NKX2-1: variants seen among roughly 807,000 people sequenced by gnomAD.
The protein encoded by NKX2-1 is homeobox protein Nkx-2.1.
Under a neutral mutation model 35.1 loss-of-function variants are expected in NKX2-1, and 9 were observed. The ratio of observed to expected loss-of-function variants is 0.26; its 90% CI spans 0.15 to 0.45. The LOEUF is 0.45. NKX2-1 is among the 20% of genes least tolerant of loss of function. The probability of loss-of-function intolerance (pLI) is 1.00; values close to 1 mark genes in which losing one functional copy is unlikely to be tolerated. For missense variants in NKX2-1, 509 were observed against 589.1 expected, an observed-to-expected ratio of 0.86 and a Z score of 1.41; for synonymous variants, 284 against 269.9, an observed-to-expected ratio of 1.05 and a Z score of -0.51.
intron 1 of NKX2-1, 70 bp downstream of exon 1, chr14:36,519,983 C>T: frequency 2.5e-6 from 4 of 1,601,050 alleles, no homozygotes; most frequent in Admixed American, 3.4e-5. Flanking sequence ...CTTTCCAATT[C>T]GGTCGGGGTT....
In NKX2-1 at chr14:36,516,886, GT is replaced by G. The variant is rs1471879588; in HGVS notation, c.*391del. The G allele has an allele frequency of 4.0e-6, 1 of 247,740 alleles. No individual in the cohort carries two copies. Among genetic ancestry groups the G allele is most frequent in the African/African-American group, 2.2e-5 (1 of 45,580 alleles). 15.3% of individuals were successfully genotyped at this position (247,740 alleles called of 1,614,324 possible). Reference sequence around the variant, plus strand: ...GCTGGCAGAGTGTGCCCAGAGTGAAGTTTGGTCTTTAGAGTCCAGAGCCATG... The same window carrying G: ...GCTGGCAGAGTGTGCCCAGAGTGAAGTTGGTCTTTAGAGTCCAGAGCCATG... On this transcript the variant is annotated 3_prime_UTR_variant, in exon 3 of 3. Coordinates refer to ENST00000354822, the MANE Select transcript of NKX2-1 (RefSeq NM_001079668.3).
chr14:36,520,061 G>C lies in NKX2-1; in HGVS notation c.69C>G (p.Gly23=), dbSNP rs1188660010. 6.2e-7 allele frequency: 1 copy of C among 1,612,822 alleles called. No homozygotes were observed. The highest frequency in any genetic ancestry group is 1.3e-5 in the African/African-American group (1 of 74,920). The change falls in exon 1 of 3, where the codon GGC becomes GGG. Residue 23 remains glycine (G), a synonymous_variant. Transcript: ENST00000354822. ...CAGGGTGGGGGTTTCACCTGAGCCT[G>C]CCGGGGCTGCTCCTCCCTCCCGCCG... The part of the protein sequence containing the change: ...EAAAGGRSSP[G]RLSRRRIMSM...
At position 36,518,002 on chromosome 14, in the gene NKX2-1, G is replaced by T. The variant is rs759307172; in HGVS notation, c.482C>A (p.Pro161Gln). 8.1e-6 allele frequency: 13 copies of T among 1,598,386 alleles called. No individual in the cohort carries two copies. In the African/African-American group the frequency reaches 1.3e-4, roughly 16 times the overall value. Residue 161 changes from proline (P) to glutamine (Q), a missense_variant, in exon 3 of 3, where the codon CCG becomes CAG. This residue lies in a region of NKX2-1 where 271 missense variants were observed against 284.1 expected (regional missense o/e 0.95). Transcript: ENST00000354822. ...RFPAISRFMG[P>Q]ASGMNMSGMG... is the part of the protein sequence containing the mutation. ...GCCGCTCATGTTCATGCCGCTCGCC[G>T]GGCCCATGAAGCGGGAGACTGTAAG... is the stretch of plus-strand genomic sequence containing the variant.
Position 36,517,017 on chromosome 14 carries a change from A to T in NKX2-1, c.*261T>A. On this transcript the variant is annotated 3_prime_UTR_variant, in exon 3 of 3. Transcript: ENST00000354822. Reference sequence around the variant, plus strand: ...AGCTGTTTTATGCCCTTCTCTGCTTAAAGATTCCTTGAGATTGGATGCGCT... The same window carrying T: ...AGCTGTTTTATGCCCTTCTCTGCTTTAAGATTCCTTGAGATTGGATGCGCT... 1 of 649,216 alleles carries T rather than the reference A, an allele frequency of 1.5e-6. No individual in the cohort carries two copies. Among genetic ancestry groups the T allele is most frequent in the African/African-American group, 1.8e-5 (1 of 54,982 alleles). 40.2% of individuals were successfully genotyped at this position (649,216 alleles called of 1,614,324 possible). A position where few individuals can be genotyped will look rare whatever the true frequency, so the allele number is the denominator to read the frequency against.
Position 36,517,040 on chromosome 14 carries a change from G to T in NKX2-1, c.*238C>A, listed in dbSNP as rs1287433937. 1 of 759,762 alleles carries T rather than the reference G, an allele frequency of 1.3e-6. No individual in the cohort carries two copies. Among genetic ancestry groups the T allele is most frequent in the Non-Finnish European group, 2.0e-6 (1 of 498,732 alleles). The allele number at this position is 759,762 out of a possible 1,614,324, so 47.1% of individuals were successfully genotyped here. A position where few individuals can be genotyped will look rare whatever the true frequency, so the allele number is the denominator to read the frequency against. ...TTAAAGATTCCTTGAGATTGGATGCGCTTGGTTGTTTTTCATTTTCTTTTT... is the reference window on the plus strand; with the variant it reads ...TTAAAGATTCCTTGAGATTGGATGCTCTTGGTTGTTTTTCATTTTCTTTTT... On this transcript the variant is annotated 3_prime_UTR_variant, in exon 3 of 3. Coordinates refer to ENST00000354822, the MANE Select transcript of NKX2-1 (RefSeq NM_001079668.3).
At position 36,517,827 on chromosome 14, in the gene NKX2-1, C is replaced by T. The variant is rs778886269; in HGVS notation, c.657G>A (p.Pro219=). The part of the protein sequence containing the change: ...RFKQQKYLSA[P]EREHLASMIH... ...TCATGCTGGCCAGGTGCTCGCGCTC[C>T]GGCGCCGACAGGTACTTCTGTTGCT... The change falls in exon 3 of 3, where the codon CCG becomes CCA. Residue 219 remains proline, a synonymous_variant. Coordinates refer to ENST00000354822, the MANE Select transcript of NKX2-1 (RefSeq NM_001079668.3). The T allele has an allele frequency of 1.2e-5, 19 of 1,612,216 alleles. No individual in the cohort carries two copies. The highest frequency in any genetic ancestry group is 1.4e-5 in the Non-Finnish European group (16 of 1,179,586).
rs1332828174 is a variant in NKX2-1 at position 36,517,266 on chromosome 14, C to T, written c.*12G>A. ...AGGCAGAGCGCTGGGCTAGGGCCGG[C>T]CCGGCGTCCTCTCACCAGGTCCGAC... On this transcript the variant is annotated 3_prime_UTR_variant, in exon 3 of 3. Coordinates refer to ENST00000354822, the MANE Select transcript of NKX2-1 (RefSeq NM_001079668.3). 1.2e-5 allele frequency: 19 copies of T among 1,595,332 alleles called. No homozygotes were observed. In the East Asian group the frequency reaches 4.1e-4, roughly 34 times the overall value.
At chr14:36,518,850 A>G (rs937944800) in intron 2 of NKX2-1, 135 bp downstream of exon 2, 1 of 1,197,502 alleles carries the variant, frequency 8.4e-7, no homozygotes, top group Non-Finnish European at 1.1e-6. Flanking sequence ...TCCCGCACCC[A>G]AGTCCCTGGC....
Position 36,517,460 on chromosome 14 carries a change from C to T in NKX2-1, c.1024G>A (p.Gly342Ser), listed in dbSNP as rs1881081845. Residue 342 changes from glycine (G) to serine (S), a missense_variant, in exon 3 of 3, where the codon GGC becomes AGC. Physicochemically the swap from Gly to Ser is moderately conservative, Grantham distance 56. Coordinates refer to ENST00000354822, the MANE Select transcript of NKX2-1 (RefSeq NM_001079668.3). ...TGGTGGCCCGGGTGTGCGCCAAGGCCGGCGCCACCGCTGCCCACGGAGATG... is the reference window on the plus strand; with the variant it reads ...TGGTGGCCCGGGTGTGCGCCAAGGCTGGCGCCACCGCTGCCCACGGAGATG... ...AAISVGSGGA[G>S]LGAHPGHQPG... 6 of 1,430,766 alleles carry T rather than the reference C, an allele frequency of 4.2e-6. No individual in the cohort carries two copies. Among genetic ancestry groups the T allele is most frequent in the East Asian group, 3.0e-5 (1 of 33,508 alleles). 88.6% of individuals were successfully genotyped at this position (1,430,766 alleles called of 1,614,324 possible). A position where few individuals can be genotyped will look rare whatever the true frequency, so the allele number is the denominator to read the frequency against.
rs1460931537 is a variant in NKX2-1 at position 36,517,934 on chromosome 14, C to T, written c.550G>A (p.Ala184Thr). 1.2e-6 allele frequency: 2 copies of T among 1,605,040 alleles called. No individual in the cohort carries two copies. Among genetic ancestry groups the T allele is most frequent in the African/African-American group, 1.3e-5 (1 of 74,924 alleles). ...GSLGDVSKNMAPLPSAPRRKR... is the reference protein window; with the variant it reads ...GSLGDVSKNMTPLPSAPRRKR... ...CTGCGCGGCGCGCTTGGCAGCGGGG[C>T]CATGTTCTTGCTCACGTCCCCCAGC... Residue 184 changes from alanine to threonine, a missense_variant, in exon 3 of 3, where the codon GCC (alanine) becomes ACC (threonine). By Grantham distance (58) the Ala-to-Thr change is moderately conservative (BLOSUM62 0). Coordinates refer to ENST00000354822, the MANE Select transcript of NKX2-1 (RefSeq NM_001079668.3).
chr14:36,517,069 A>T lies in NKX2-1; in HGVS notation c.*209T>A, dbSNP rs572546897. The T allele has an allele frequency of 3.5e-3, 2,925 of 834,346 alleles. 9 individuals are homozygous for T. The highest frequency in any genetic ancestry group is 0.011 in the South Asian group (434 of 39,898). The allele number at this position is 834,346 out of a possible 1,614,324, so 51.7% of individuals were successfully genotyped here. ...GGTTGTTTTTCATTTTCTTTTTTTA[A>T]AAAAAAAAACCCACAAATTTTAGGG... On this transcript the variant is annotated 3_prime_UTR_variant, in exon 3 of 3. Coordinates refer to ENST00000354822, the MANE Select transcript of NKX2-1 (RefSeq NM_001079668.3).
chr14:36,517,093 G>T lies in NKX2-1; in HGVS notation c.*185C>A, dbSNP rs1293286449. 1.9e-6 allele frequency: 2 copies of T among 1,067,166 alleles called. No individual in the cohort carries two copies. The highest frequency in any genetic ancestry group is 6.1e-5 in the East Asian group (2 of 32,968). The allele number at this position is 1,067,166 out of a possible 1,614,324, so 66.1% of individuals were successfully genotyped here. A position where few individuals can be genotyped will look rare whatever the true frequency, so the allele number is the denominator to read the frequency against. The stretch of plus-strand genomic sequence containing the variant: ...AAAAAAAAAAACCCACAAATTTTAG[G>T]GGGGGAAAAAAAGAAAGACGTCCAG... On this transcript the variant is annotated 3_prime_UTR_variant, in exon 3 of 3. Transcript: ENST00000354822.
rs2076751 is a variant in NKX2-1 at position 36,520,214 on chromosome 14, C to G, written c.-85G>C. On this transcript the variant is annotated 5_prime_UTR_variant, in exon 1 of 3. Coordinates refer to ENST00000354822, the MANE Select transcript of NKX2-1 (RefSeq NM_001079668.3). ...ACCCTGGGGCCGCACTGTTGGTCTA[C>G]GTGTCTGTCAGTCTGTCTGCCTCTC... 297 of 1,568,652 alleles carry G rather than the reference C, an allele frequency of 1.9e-4. No individual in the cohort carries two copies. Among genetic ancestry groups the G allele is most frequent in the Non-Finnish European group, 2.5e-4 (286 of 1,161,182 alleles).
In NKX2-1 at chr14:36,516,972, A is replaced by C; in HGVS notation, c.*306T>G. ...CTAGCGTGGAAAACCCATTTGAATC[A>C]CCAAAAAAAGACACCCCAAAGCTGT... On this transcript the variant is annotated 3_prime_UTR_variant, in exon 3 of 3. Transcript: ENST00000354822. 1 of 439,520 alleles carries C rather than the reference A, an allele frequency of 2.3e-6. No homozygotes were observed. The highest frequency in any genetic ancestry group is 2.7e-5 in the South Asian group (1 of 36,452). 27.2% of individuals were successfully genotyped at this position (439,520 alleles called of 1,614,324 possible). A position where few individuals can be genotyped will look rare whatever the true frequency, so the allele number is the denominator to read the frequency against.
In NKX2-1 at chr14:36,519,383, G is replaced by A. The variant is rs2139412925; in HGVS notation, c.78-13C>T. ...GATTCGGCGGCGGCTGGAGGAGGAA[G>A]GAAGAGGAGGAAAAAAAAGGGAGAG... On this transcript the variant is annotated splice_polypyrimidine_tract_variant and intron_variant, in intron 1 of 2. Transcript: ENST00000354822. The A allele has an allele frequency of 6.2e-7, 1 of 1,612,670 alleles. No individual in the cohort carries two copies. The highest frequency in any genetic ancestry group is 1.1e-5 in the South Asian group (1 of 90,900).
chr14:36,517,414 G>A lies in NKX2-1; in HGVS notation c.1070C>T (p.Ser357Phe). 6.3e-7 allele frequency: 1 copy of A among 1,583,588 alleles called. No homozygotes were observed. Among genetic ancestry groups the A allele is most frequent in the Non-Finnish European group, 8.6e-7 (1 of 1,167,670 alleles). ...PGHQPGSAGQSPDLAHHAASP... is the reference protein window; with the variant it reads ...PGHQPGSAGQFPDLAHHAASP... Reference sequence around the variant, plus strand: ...GGCGGCGTGGTGCGCCAGGTCCGGAGACTGGCCTGCGCTGCCTGGCTGGTG... The same window carrying A: ...GGCGGCGTGGTGCGCCAGGTCCGGAAACTGGCCTGCGCTGCCTGGCTGGTG... Residue 357 changes from serine (S) to phenylalanine (F), a missense_variant, in exon 3 of 3, where the codon TCT becomes TTT. Physicochemically the swap from Ser to Phe is radical, Grantham distance 155 (BLOSUM62 -2). Transcript: ENST00000354822.
intron 2 of NKX2-1, 126 bp from the exon 3 acceptor site, chr14:36,518,146 GC>G (rs968909347): frequency 7.4e-7 from 1 of 1,351,100 alleles, no homozygotes; most frequent in African/African-American, 1.4e-5. Flanking sequence ...GCAGCCTAGC[GC>G]TGGGGCCCAA....
At chr14:36,519,515 C>A in intron 1 of NKX2-1, 145 bp from the exon 2 acceptor site, 1 of 1,537,472 alleles carries the variant, frequency 6.5e-7, no homozygotes, top group Non-Finnish European at 8.7e-7. Flanking sequence ...TGGACCGAGT[C>A]CTCCTTAATT....
rs2139411330 is a variant in NKX2-1 at position 36,518,996 on chromosome 14, C to T, written c.452G>A (p.Arg151His). 6.4e-7 allele frequency: 1 copy of T among 1,554,982 alleles called. No individual in the cohort carries two copies. Among genetic ancestry groups the T allele is most frequent in the Non-Finnish European group, 8.7e-7 (1 of 1,156,036 alleles). ...GCGGCCTCACTTACTGGCGGGGAAGCGCGGGTCTGGGTTGGCGCCGTACCA... is the reference window on the plus strand; with the variant it reads ...GCGGCCTCACTTACTGGCGGGGAAGTGCGGGTCTGGGTTGGCGCCGTACCA... ...PGWYGANPDP[R>H]FPAISRFMGP... The change falls in exon 2 of 3, where the codon CGC becomes CAC. Residue 151 changes from arginine to histidine, a missense_variant. Transcript: ENST00000354822.
Sources: allele counts gnomAD v4.1 joint callset, GRCh38; gene constraint gnomAD v4.1.1; regional missense constraint gnomAD v4.1.1; transcripts MANE v1.5; gene names NCBI Gene and HGNC (gene_info 2026-07-23, HGNC 2026-07-21).